ABLIM1: variants seen among roughly 807,000 people sequenced by gnomAD.
The protein encoded by ABLIM1 is actin binding LIM protein 1.
Under a neutral mutation model 107.0 loss-of-function variants are expected in ABLIM1, and 40 were observed. The ratio of observed to expected loss-of-function variants is 0.37; its 90% CI spans 0.29 to 0.49. ABLIM1 has a LOEUF of 0.49. ABLIM1 is among the 20% of genes least tolerant of loss of function. The probability of loss-of-function intolerance (pLI) is 0.97; values close to 1 mark genes in which losing one functional copy is unlikely to be tolerated. For missense variants in ABLIM1, 857 were observed against 1,008.5 expected, an observed-to-expected ratio of 0.85 and a Z score of 2.04; for synonymous variants, 357 against 357.3, an observed-to-expected ratio of 1.00 and a Z score of 0.01.
At chr10:114,647,144 T>C (rs1203513062) in intron 1 of ABLIM1, among the ~76,000 whole-genome samples, 2 of 152,118 alleles carry the variant, frequency 1.3e-5, no homozygotes, top group Non-Finnish European at 2.9e-5. Context: ...TACAGGTGTG[T>C]ACCACCATGC....
chr10:114,674,746 T>C (rs1204000734), intron 1 of ABLIM1, among the ~76,000 whole-genome samples: 3 of 149,414 alleles, frequency 2.0e-5, no homozygotes, highest in Non-Finnish European at 3.0e-5. Flanking sequence ...TTGCTCCATC[T>C]CAAAAGTGGA....
rs576063981 is a variant in ABLIM1, at chr10:114,707,068, A to C, written c.-213+60993T>G. Among the ~76,000 whole-genome samples, 31 of 152,326 alleles carry C rather than the reference A, an allele frequency of 2.0e-4. No homozygotes were observed. Among genetic ancestry groups the C allele is most frequent in the South Asian group, 1.2e-3 (6 of 4,824 alleles). On this transcript the variant is annotated intron_variant, in intron 1 of 15. Coordinates refer to the ABLIM1 transcript ENST00000651092. The surrounding 1 kb of genome is among the most constrained non-coding windows in gnomAD (Gnocchi z 4.1). ...AACTACATTAGAAAGGTAAAAAGAA[A>C]CAGGTAAAATTAATTTTAAGATTTT...
At chr10:114,482,801 A>G (rs1163450571) in intron 8 of ABLIM1, among the ~76,000 whole-genome samples, 1 of 152,156 alleles carries the variant, frequency 6.6e-6, no homozygotes, top group East Asian at 1.9e-4. Context: ...AGATGCTCCA[A>G]ATCTCTTAAG....
At chr10:114,718,490 G>A (rs1027205247) in intron 1 of ABLIM1, among the ~76,000 whole-genome samples, 2 of 152,148 alleles carry the variant, frequency 1.3e-5, no homozygotes, top group Non-Finnish European at 2.9e-5. Context: ...TTGGTAATGA[G>A]GACAAAGAAT....
Position 114,714,673 on chromosome 10 carries a change from T to C in ABLIM1, c.-213+53388A>G, listed in dbSNP as rs1420691199. Among the ~76,000 whole-genome samples, 6 of 152,292 alleles carry C rather than the reference T, an allele frequency of 3.9e-5. No individual in the cohort carries two copies. In the East Asian group the frequency reaches 7.7e-4, roughly 20 times the overall value. Reference sequence around the variant, plus strand: ...CGTTTGTTTACCTTGGGATGATACATACACTCAGAAGGGTTGGTTTGGCTT... The same window carrying C: ...CGTTTGTTTACCTTGGGATGATACACACACTCAGAAGGGTTGGTTTGGCTT... On this transcript the variant is annotated intron_variant, in intron 1 of 15. Coordinates refer to the ABLIM1 transcript ENST00000651092.
chr10:114,705,386 C>T (rs1466919575), intron 1 of ABLIM1, among the ~76,000 whole-genome samples: 1 of 152,110 alleles, frequency 6.6e-6, no homozygotes, highest in Non-Finnish European at 1.5e-5. Context: ...CATGGGCACC[C>T]ACAGGGATCT....
At chr10:114,522,458 A>C (rs570581844) in intron 6 of ABLIM1, among the ~76,000 whole-genome samples, 5 of 152,328 alleles carry the variant, frequency 3.3e-5, no homozygotes, top group African/African-American at 1.2e-4. Flanking sequence ...TCTAAACTTC[A>C]CAAAACACAA....
chr10:114,632,613 G>A, intron 1 of ABLIM1: 1 of 985,392 alleles, frequency 1.0e-6, no homozygotes, highest in Non-Finnish European at 1.2e-6. Context: ...TGGGGCTGGG[G>A]GAAGGTAGAG....
At chr10:114,594,702 A>G (rs1357584530) in intron 2 of ABLIM1, among the ~76,000 whole-genome samples, 1 of 152,194 alleles carries the variant, frequency 6.6e-6, no homozygotes. Flanking sequence ...GTGAGCCAAG[A>G]CTGTGCCACT....
At chr10:114,757,573 C>T (rs1247953674) in intron 1 of ABLIM1, among the ~76,000 whole-genome samples, 1 of 152,302 alleles carries the variant, frequency 6.6e-6, no homozygotes, top group Middle Eastern at 3.4e-3. Flanking sequence ...GCCAACTCAT[C>T]AGCAAGTTCT....
chr10:114,695,227 A>G (rs1485670734), intron 1 of ABLIM1, among the ~76,000 whole-genome samples: 2 of 152,204 alleles, frequency 1.3e-5, no homozygotes, highest in Non-Finnish European at 2.9e-5. Flanking sequence ...TAAGTATCTA[A>G]AGCAACTAAC....
intron 1 of ABLIM1, chr10:114,690,429 T>A: frequency 6.2e-7 from 1 of 1,604,096 alleles, no homozygotes; most frequent in Non-Finnish European, 8.5e-7. Context: ...ACCAGTGCCA[T>A]TATGGCGTGT....
At chr10:114,680,013 T>A (rs886620685) in intron 1 of ABLIM1, among the ~76,000 whole-genome samples, 2 of 152,244 alleles carry the variant, frequency 1.3e-5, no homozygotes, top group African/African-American at 2.4e-5. Flanking sequence ...TATTCTTACA[T>A]GATTTTTATA....
At chr10:114,568,920 T>G (rs1432221068) in intron 4 of ABLIM1, among the ~76,000 whole-genome samples, 1 of 152,134 alleles carries the variant, frequency 6.6e-6, no homozygotes, top group Non-Finnish European at 1.5e-5. Context: ...GATAAAGAAA[T>G]TTAATAAAAA....
chr10:114,603,317 A>T (rs2076167660), intron 1 of ABLIM1, among the ~76,000 whole-genome samples: 1 of 152,166 alleles, frequency 6.6e-6, no homozygotes, highest in African/African-American at 2.4e-5. Context: ...AGATAGTCCA[A>T]ATAATCCATT....
At chr10:114,663,332 T>C (rs1443467006) in intron 1 of ABLIM1, among the ~76,000 whole-genome samples, 1 of 152,198 alleles carries the variant, frequency 6.6e-6, no homozygotes, top group African/African-American at 2.4e-5. Flanking sequence ...AGGTTATCTA[T>C]AGACTGTCTT....
rs563225287 is a variant in ABLIM1, at chr10:114,519,879, G to T, written c.894+25126C>A. 4.1e-4 allele frequency among the ~76,000 whole-genome samples: 62 copies of T among 152,358 alleles called. No homozygotes were observed. The Middle Eastern group carries it at 0.02, about 50-fold the overall frequency. On this transcript the variant is annotated intron_variant, in intron 6 of 22. Transcript: ENST00000533213. ...AGCTCACCACCAACCCAGGAAAAAA[G>T]GAACCAGCTGGGTTACCCCCAAACC...
chr10:114,511,351 A>G (rs2061840968), intron 6 of ABLIM1, among the ~76,000 whole-genome samples: 1 of 151,696 alleles, frequency 6.6e-6, no homozygotes, highest in Admixed American at 6.6e-5. Context: ...TTTTTTTTAT[A>G]CCCTTCTCAC....
At chr10:114,791,812 C>T in the ABLIM1 span, among the ~76,000 whole-genome samples, 2 of 152,028 alleles carry the variant, frequency 1.3e-5, no homozygotes, top group East Asian at 3.9e-4. Flanking sequence ...TAAAAGGAAC[C>T]CTTACACTCT....
Sources: allele counts gnomAD v4.1 joint callset (sites outside exome capture counted in the v4.1 genomes callset), GRCh38; gene constraint gnomAD v4.1.1; non-coding constraint Gnocchi (gnomAD v3.1); transcripts MANE v1.5; gene names NCBI Gene and HGNC (gene_info 2026-07-23, HGNC 2026-07-21).